Variants in SRPK2 observed in about 807,000 individuals in gnomAD.
SRPK2 encodes SRSF protein kinase 2, also known as SFRS protein kinase 2.
SRPK2 carries 21 observed loss-of-function variants against 90.8 expected under a neutral mutation model. The observed-to-expected ratio is 0.23, with a 90% CI of 0.16 to 0.33. SRPK2 has a LOEUF of 0.33. Among genes scored for constraint, SRPK2 ranks in the 10% least tolerant of loss-of-function variants. The probability of loss-of-function intolerance (pLI) is 1.00; values close to 1 mark genes in which losing one functional copy is unlikely to be tolerated. For missense variants in SRPK2, 620 were observed against 869.0 expected, an observed-to-expected ratio of 0.71 and a Z score of 3.60; for synonymous variants, 288 against 311.1, an observed-to-expected ratio of 0.93 and a Z score of 0.78.
At chr7:105,389,339 C>G, upstream of SRPK2, 1 of 1,278,764 alleles carries the variant, frequency 7.8e-7, no homozygotes, top group Non-Finnish European at 1.0e-6. Flanking sequence ...CCTCTTCTCT[C>G]CCTTTGCTCC....
chr7:105,333,922 G>C (rs1814746374), intron 2 of SRPK2, among the ~76,000 whole-genome samples: 3 of 151,882 alleles, frequency 2.0e-5, no homozygotes, highest in Non-Finnish European at 4.4e-5. Context: ...GTTTGTTTTT[G>C]TTTTGTTTTG....
intron 2 of SRPK2, among the ~76,000 whole-genome samples, chr7:105,248,435 TTAA>T (rs1802013446): frequency 2.7e-5 from 3 of 109,664 alleles, no homozygotes; most frequent in South Asian, 3.1e-4. Context: ...TACAAAAAAT[TTAA>T]AAAAAAAAAA....
At chr7:105,237,059 G>A (rs1259865542) in intron 2 of SRPK2, among the ~76,000 whole-genome samples, 4 of 152,178 alleles carry the variant, frequency 2.6e-5, no homozygotes, top group East Asian at 3.9e-4. Flanking sequence ...GTGGCCAGAG[G>A]CCAGAATGCC....
intron 6 of SRPK2, among the ~76,000 whole-genome samples, chr7:105,164,347 AT>A (rs755541963): frequency 2.6e-5 from 4 of 152,200 alleles, no homozygotes; most frequent in Non-Finnish European, 5.9e-5. Flanking sequence ...CACCATGTAA[AT>A]GTTCCTGTTC....
intron 11 of SRPK2, among the ~76,000 whole-genome samples, chr7:105,139,152 G>A (rs371354439): frequency 2.0e-4 from 30 of 152,204 alleles, no homozygotes; most frequent in African/African-American, 7.0e-4. Flanking sequence ...ATGATGGGGA[G>A]CTGTGGAAAC....
intron 2 of SRPK2, among the ~76,000 whole-genome samples, chr7:105,285,189 C>A (rs1187466175): frequency 6.6e-6 from 1 of 151,808 alleles, no homozygotes; most frequent in Non-Finnish European, 1.5e-5. Flanking sequence ...AGTTCCAGAC[C>A]AGCCTGGGCA....
At chr7:105,350,529 C>CT (rs71152961) in intron 2 of SRPK2, among the ~76,000 whole-genome samples, 79,042 of 127,288 alleles carry the variant, frequency 0.62, 25,170 homozygotes, top group South Asian at 0.76. Context: ...AATTTTTTTT[C>CT]TTTTTTTTTT....
At chr7:105,119,837 C>T (rs1393482934) in intron 15 of SRPK2, among the ~76,000 whole-genome samples, 1 of 152,090 alleles carries the variant, frequency 6.6e-6, no homozygotes, top group Non-Finnish European at 1.5e-5. Context: ...TATATGTACT[C>T]GCAAAATTAC....
At chr7:105,280,947 CAAAAAAAAAAAAAAAAAAAAAAAAAA>C (rs1158350206) in intron 2 of SRPK2, among the ~76,000 whole-genome samples, 1 of 43,326 alleles carries the variant, frequency 2.3e-5, no homozygotes, top group Non-Finnish European at 3.6e-5. Flanking sequence ...GACTCCATCT[CAAAAAAAAAAAAAAAAAAAAAAAAAA>C]AAAAAAAAAA....
intron 2 of SRPK2, among the ~76,000 whole-genome samples, chr7:105,221,670 C>A (rs1349406109): frequency 1.3e-5 from 2 of 152,182 alleles, no homozygotes; most frequent in Non-Finnish European, 1.5e-5. Flanking sequence ...CCCCTGTCCA[C>A]AACAGTCCTA....
rs145583576 is a variant in SRPK2, at chr7:105,254,665, G to GT, written c.72-50881dup. Among the ~76,000 whole-genome samples the GT allele has an allele frequency of 1.2e-3, 184 of 148,994 alleles. 3 individuals carry two copies. In the South Asian group the frequency reaches 0.025, roughly 20 times the overall value. On this transcript the variant is annotated intron_variant, in intron 2 of 15. Transcript: ENST00000393651. Reference sequence around the variant, plus strand: ...TGTTATCGTTGAAGTACATCTGCTTGTTTTTTTTTTGTTGTTGTTGTTGTT... The same window carrying GT: ...TGTTATCGTTGAAGTACATCTGCTTGTTTTTTTTTTTGTTGTTGTTGTTGTT...
At chr7:105,315,928 T>C (rs1812258957) in intron 2 of SRPK2, among the ~76,000 whole-genome samples, 1 of 152,180 alleles carries the variant, frequency 6.6e-6, no homozygotes, top group African/African-American at 2.4e-5. Flanking sequence ...ATTAAAAATT[T>C]TCTGTAGTTA....
At chr7:105,356,487 T>C (rs759778465) in intron 2 of SRPK2, among the ~76,000 whole-genome samples, 56 of 152,302 alleles carry the variant, frequency 3.7e-4, no homozygotes, top group South Asian at 8.3e-4. Context: ...GATAAATGCA[T>C]ATTAAAGTAT....
intron 2 of SRPK2, among the ~76,000 whole-genome samples, chr7:105,381,532 G>A (rs905438975): frequency 1.3e-5 from 2 of 152,120 alleles, no homozygotes; most frequent in African/African-American, 4.8e-5. Context: ...AAATCTTACA[G>A]TTCTCATCAC....
Position 105,170,981 on chromosome 7 carries a change from A to AAGAAAGAAAG in SRPK2, c.230-1726_230-1717dup, listed in dbSNP as rs1563027206. 1.1e-3 allele frequency among the ~76,000 whole-genome samples: 158 copies of AAGAAAGAAAG among 137,616 alleles called. 17 individuals carry two copies. The highest frequency in any genetic ancestry group is 1.6e-3 in the African/African-American group (57 of 35,778). 90.3% of individuals were successfully genotyped at this position (137,616 alleles called of 152,430 possible). A position where few individuals can be genotyped will look rare whatever the true frequency, so the allele number is the denominator to read the frequency against. ...AAAGAAAGAAAGAGAAAGAAAGAGAAAGAAAGAAAGAAAGAGAAAGAAAGA... is the reference window on the plus strand; with the variant it reads ...AAAGAAAGAAAGAGAAAGAAAGAGAAAGAAAGAAAGAGAAAGAAAGAAAGAGAAAGAAAGA... On this transcript the variant is annotated intron_variant, in intron 3 of 15. Coordinates refer to ENST00000393651, the MANE Select transcript of SRPK2 (RefSeq NM_182692.3).
chr7:105,298,518 A>G (rs759375374), intron 2 of SRPK2, among the ~76,000 whole-genome samples: 13 of 152,294 alleles, frequency 8.5e-5, no homozygotes, highest in Non-Finnish European at 1.3e-4. Flanking sequence ...TAGGTCATAT[A>G]GTGTCTGACT....
In SRPK2 at chr7:105,147,597, G is replaced by A. The variant is rs112624281; in HGVS notation, c.622-939C>T. ...CTCCCAAAGTACTGGGATTACAGGCGTGAGCCACCACACACGGCAACTACC... is the reference window on the plus strand; with the variant it reads ...CTCCCAAAGTACTGGGATTACAGGCATGAGCCACCACACACGGCAACTACC... On this transcript the variant is annotated intron_variant, in intron 7 of 15. Coordinates refer to ENST00000393651, the MANE Select transcript of SRPK2 (RefSeq NM_182692.3). Among the ~76,000 whole-genome samples the A allele has an allele frequency of 2.9e-3, 448 of 152,182 alleles. 2 individuals carry two copies. The highest frequency in any genetic ancestry group is 0.01 in the African/African-American group (429 of 41,536).
chr7:105,228,062 G>T (rs907922156), intron 2 of SRPK2, among the ~76,000 whole-genome samples: 4 of 151,966 alleles, frequency 2.6e-5, no homozygotes, highest in Admixed American at 2.6e-4. Flanking sequence ...TTTTTTCTGA[G>T]ACGAGGTCTC....
intron 2 of SRPK2, among the ~76,000 whole-genome samples, chr7:105,213,617 T>C (rs977576248): frequency 3.3e-5 from 5 of 152,152 alleles, no homozygotes; most frequent in Admixed American, 3.3e-4. Flanking sequence ...CACATACATA[T>C]ACAAAAGTAA....
Sources: allele counts gnomAD v4.1 joint callset (sites outside exome capture counted in the v4.1 genomes callset), GRCh38; gene constraint gnomAD v4.1.1; transcripts MANE v1.5; gene names NCBI Gene and HGNC (gene_info 2026-07-23, HGNC 2026-07-21).